Variants in SNCAIP observed in about 807,000 individuals in gnomAD.
SNCAIP encodes the protein synphilin-1.
In SNCAIP, 43 loss-of-function variants were observed where a neutral mutation model predicts 86.7. The ratio of observed to expected loss-of-function variants is 0.50; its 90% CI spans 0.39 to 0.64. The LOEUF is 0.64. Among genes scored for constraint, SNCAIP ranks in the 30% least tolerant of loss-of-function variants. SNCAIP has a pLI of 0.00. For synonymous variants in SNCAIP, 417 were observed against 427.2 expected (o/e 0.98, Z 0.29); for missense variants, 981 against 1,103.1 (o/e 0.89, Z 1.57).
In SNCAIP at chr5:122,440,521, G is replaced by T. The variant is rs563974616; in HGVS notation, c.1297-108G>T. On this transcript the variant is annotated intron_variant, in intron 6 of 10. Transcript: ENST00000261368. ...TGAGAATTTTCTCTTGCTACGGTAA[G>T]CATGGTTTTACCTAAGCTTCACAAA... is the stretch of plus-strand genomic sequence containing the variant. 54 of 1,033,734 alleles carry T rather than the reference G, an allele frequency of 5.2e-5. No homozygotes were observed. In the South Asian group the frequency reaches 6.5e-4, roughly 13 times the overall value. The allele number at this position is 1,033,734 out of a possible 1,614,324, so 64.0% of individuals were successfully genotyped here. A position where few individuals can be genotyped will look rare whatever the true frequency, so the allele number is the denominator to read the frequency against.
intron 1 of SNCAIP, among the ~76,000 whole-genome samples, chr5:122,387,791 C>G (rs868662027): frequency 3.9e-5 from 6 of 152,144 alleles, no homozygotes; most frequent in African/African-American, 1.4e-4. Context: ...TTTTCTTTTC[C>G]TAGTACTAAG....
intron 1 of SNCAIP, among the ~76,000 whole-genome samples, chr5:122,329,565 A>G (rs534972802): frequency 1.1e-4 from 17 of 152,290 alleles, no homozygotes; most frequent in African/African-American, 4.1e-4. Context: ...AGATAGATAA[A>G]TGAAAAGACA....
At chr5:122,426,372 G>A (rs1777372906) in intron 5 of SNCAIP, among the ~76,000 whole-genome samples, 1 of 152,108 alleles carries the variant, frequency 6.6e-6, no homozygotes, top group African/African-American at 2.4e-5. Context: ...ATTGAAATTG[G>A]TGAGGGGAAT....
Position 122,423,700 on chromosome 5 carries a change from C to T in SNCAIP, c.963C>T (p.Ser321=), listed in dbSNP as rs1776838555. The T allele has an allele frequency of 1.2e-6, 2 of 1,604,198 alleles. No homozygotes were observed. Among genetic ancestry groups the T allele is most frequent in the Non-Finnish European group, 1.7e-6 (2 of 1,179,830 alleles). ...GTGAGTATCTGAAAAAAGTGAAAAG[C>T]ATCTTGAACATTGTTAAAGAAGGAC... ...ERSEYLKKVK[S]ILNIVKEGQI... is the part of the protein sequence containing the mutation. The change falls in exon 4 of 11, where the codon AGC becomes AGT. Residue 321 remains serine, a synonymous_variant. Transcript: ENST00000261368.
intron 2 of SNCAIP, 100 bp downstream of exon 2, chr5:122,391,291 AC>A: frequency 2.2e-6 from 2 of 890,332 alleles, no homozygotes; most frequent in Non-Finnish European, 3.7e-6. Context: ...AACTTTTCTG[AC>A]TACATTTAGA....
chr5:122,456,762 T>A (rs1784848131), intron 10 of SNCAIP, among the ~76,000 whole-genome samples: 1 of 152,244 alleles, frequency 6.6e-6, no homozygotes, highest in Non-Finnish European at 1.5e-5. Flanking sequence ...TTAACTCATA[T>A]GCTTGATTCT....
chr5:122,314,505 G>T (rs1751301773), intron 1 of SNCAIP, among the ~76,000 whole-genome samples: 1 of 152,202 alleles, frequency 6.6e-6, no homozygotes, highest in African/African-American at 2.4e-5. Context: ...GGAGAAATAT[G>T]TGTCTTGGGA....
chr5:122,461,669 G>GTTTT lies in SNCAIP; in HGVS notation c.2755-1810_2755-1807dup, dbSNP rs55705552. On this transcript the variant is annotated intron_variant, in intron 10 of 10. Transcript: ENST00000261368. ...TTCTCTTTGTTCCTTTTTTATAGCT[G>GTTTT]TTTTTTTTTTTTTTTCTTTTTCTTT... Among the ~76,000 whole-genome samples, 91 of 133,296 alleles carry GTTTT rather than the reference G, an allele frequency of 6.8e-4. 1 individual carries two copies. The highest frequency in any genetic ancestry group is 3.8e-3 in the Middle Eastern group (1 of 260). The allele number at this position is 133,296 out of a possible 152,430, so 87.4% of individuals were successfully genotyped here. A position where few individuals can be genotyped will look rare whatever the true frequency, so the allele number is the denominator to read the frequency against.
chr5:122,415,165 A>G (rs1775035277), intron 3 of SNCAIP, among the ~76,000 whole-genome samples: 1 of 152,218 alleles, frequency 6.6e-6, no homozygotes. Context: ...AGGGCGAGCC[A>G]CTTTCCGCTG....
At chr5:122,335,078 T>C (rs1406768090) in intron 1 of SNCAIP, among the ~76,000 whole-genome samples, 2 of 152,228 alleles carry the variant, frequency 1.3e-5, no homozygotes, top group Non-Finnish European at 2.9e-5. Flanking sequence ...TATAGGCAAC[T>C]TAAATACACA....
At chr5:122,430,033 T>C (rs2570981) in intron 5 of SNCAIP, among the ~76,000 whole-genome samples, 85,817 of 151,698 alleles carry the variant, frequency 0.57, 24,457 homozygotes, top group Non-Finnish European at 0.6. Flanking sequence ...AGAACAACCT[T>C]CTCGGGCAAA....
intron 1 of SNCAIP, among the ~76,000 whole-genome samples, chr5:122,338,872 A>G (rs1757015860): frequency 6.6e-6 from 1 of 152,196 alleles, no homozygotes; most frequent in Non-Finnish European, 1.5e-5. Flanking sequence ...TAATTAATAT[A>G]TTAAGTCCTC....
chr5:122,323,478 G>A (rs993413699), intron 1 of SNCAIP: 2 of 152,184 alleles, frequency 1.3e-5, no homozygotes, highest in Admixed American at 6.5e-5. Context: ...TCTCTCTTAT[G>A]TAATGTATGT....
rs560001232 is a variant in SNCAIP, at chr5:122,357,495, A to G, written c.-46-33594A>G. 2.4e-4 allele frequency among the ~76,000 whole-genome samples: 36 copies of G among 152,116 alleles called. No individual in the cohort carries two copies. In the South Asian group the frequency reaches 5.8e-3, roughly 25 times the overall value. On this transcript the variant is annotated intron_variant, in intron 1 of 10. Transcript: ENST00000261368. Reference sequence around the variant, plus strand: ...GTGATCGGCCCGCCTCAGACTCCCAAAGTGCTGAGATCACAGGCATGAGCC... The same window carrying G: ...GTGATCGGCCCGCCTCAGACTCCCAGAGTGCTGAGATCACAGGCATGAGCC...
chr5:122,427,958 C>G (rs1390371805), intron 5 of SNCAIP, among the ~76,000 whole-genome samples: 1 of 152,148 alleles, frequency 6.6e-6, no homozygotes, highest in African/African-American at 2.4e-5. Context: ...TTCACCACTT[C>G]TGGGATACCC....
At chr5:122,313,574 G>A (rs1292013294) in intron 1 of SNCAIP, among the ~76,000 whole-genome samples, 1 of 152,218 alleles carries the variant, frequency 6.6e-6, no homozygotes, top group Non-Finnish European at 1.5e-5. Flanking sequence ...TATTTCATTT[G>A]TACATATTGA....
chr5:122,393,845 G>A (rs958141718), intron 2 of SNCAIP, among the ~76,000 whole-genome samples: 5 of 152,128 alleles, frequency 3.3e-5, no homozygotes, highest in African/African-American at 1.2e-4. Context: ...ATACCTTAGC[G>A]AAGCCAGAAT....
chr5:122,357,138 C>T (rs1023495246), intron 1 of SNCAIP, among the ~76,000 whole-genome samples: 1 of 152,162 alleles, frequency 6.6e-6, no homozygotes, highest in African/African-American at 2.4e-5. Flanking sequence ...GCCCTTGCAG[C>T]ATCCTCTACC....
intron 3 of SNCAIP, among the ~76,000 whole-genome samples, chr5:122,405,791 T>G (rs189847693): frequency 1.3e-5 from 2 of 152,238 alleles, no homozygotes; most frequent in Non-Finnish European, 2.9e-5. Flanking sequence ...ACAGAAACTT[T>G]TAGTTTTTCC....
Sources: gnomAD v4.1 joint callset for allele counts (sites outside exome capture counted in the v4.1 genomes callset) on GRCh38, gnomAD v4.1.1 for gene constraint, MANE v1.5 for transcripts, NCBI Gene and HGNC (gene_info 2026-07-23, HGNC 2026-07-21) for gene names.